The following ARL13B variants were observed in gnomAD, a reference collection of about 807,000 sequenced individuals.
ARL13B encodes ADP-ribosylation factor-like protein 13B.
Under a neutral mutation model 56.1 loss-of-function variants are expected in ARL13B, and 36 were observed. That is an observed-to-expected ratio of 0.64 (90% confidence interval 0.49 to 0.85). The LOEUF (loss-of-function observed/expected upper bound fraction) is 0.85, where lower values mean the gene tolerates loss of function less well. Among genes scored for constraint, ARL13B ranks in the 40% least tolerant of loss-of-function variants. The pLI, the probability that ARL13B is intolerant of heterozygous loss-of-function variation, is 0.00. For missense variants in ARL13B, 519 were observed against 507.1 expected (o/e 1.02, Z -0.23); for synonymous variants, 178 against 171.1 (o/e 1.04, Z -0.32).
intron 1 of ARL13B, among the ~76,000 whole-genome samples, chr3:93,992,439 A>G (rs1334666077): frequency 6.6e-6 from 1 of 152,104 alleles, no homozygotes; most frequent in African/African-American, 2.4e-5. Flanking sequence ...ATGACTGCCC[A>G]CTGCTTCCCC....
At chr3:94,050,046 C>T (rs2077045017) in intron 8 of ARL13B, among the ~76,000 whole-genome samples, 1 of 151,004 alleles carries the variant, frequency 6.6e-6, no homozygotes, top group Non-Finnish European at 1.5e-5. Context: ...TGCCTGTAAT[C>T]CCAGCTACTC....
intron 6 of ARL13B, among the ~76,000 whole-genome samples, chr3:94,041,586 A>G (rs1054448251): frequency 2.0e-5 from 3 of 152,180 alleles, no homozygotes; most frequent in Non-Finnish European, 4.4e-5. Flanking sequence ...GCTATTCTAC[A>G]AAGTTAAAAA....
intron 1 of ARL13B, among the ~76,000 whole-genome samples, chr3:93,982,987 T>C (rs1710291211): frequency 6.6e-6 from 1 of 152,218 alleles, no homozygotes; most frequent in Non-Finnish European, 1.5e-5. Context: ...TTATTATGTA[T>C]ATATTTGTTT....
Position 94,036,760 on chromosome 3 carries a change from T to A in ARL13B, c.689+6T>A, listed in dbSNP as rs767497487. 3 of 1,604,486 alleles carry A rather than the reference T, an allele frequency of 1.9e-6. No individual in the cohort carries two copies. Among genetic ancestry groups the A allele is most frequent in the South Asian group, 1.1e-5 (1 of 89,544 alleles). On this transcript the variant is annotated splice_donor_region_variant and intron_variant, in intron 5 of 9. Coordinates refer to ENST00000394222, the MANE Select transcript of ARL13B (RefSeq NM_001174150.2). ...CGAAAATTACGAGAAGAAAGGTAAG[T>A]AGATTAATTTTGTACCACAGTGCAT...
intron 3 of ARL13B, among the ~76,000 whole-genome samples, chr3:94,012,234 T>C (rs562826467): frequency 7.5e-4 from 114 of 152,292 alleles, no homozygotes; most frequent in African/African-American, 2.7e-3. Context: ...TCTGTACTTC[T>C]GGTCCTGACA....
chr3:94,004,645 A>G (rs900130765), intron 3 of ARL13B, among the ~76,000 whole-genome samples: 2 of 151,718 alleles, frequency 1.3e-5, no homozygotes, highest in African/African-American at 4.8e-5. Context: ...AAAAAAAAAA[A>G]TCAACCTGTC....
chr3:94,005,853 T>A (rs2076125284), intron 3 of ARL13B, among the ~76,000 whole-genome samples: 1 of 152,040 alleles, frequency 6.6e-6, no homozygotes, highest in Non-Finnish European at 1.5e-5. Context: ...TTTTGTATAT[T>A]TTTTTTGATA....
At chr3:93,988,515 T>C (rs1559966465) in intron 1 of ARL13B, 1 of 251,836 alleles carries the variant, frequency 4.0e-6, no homozygotes, top group African/African-American at 2.3e-5. Flanking sequence ...GAGTTCCTGC[T>C]ACTTAAAATG....
At chr3:94,053,041 A>G (rs1424359586) in intron 9 of ARL13B, 146 bp from the exon 10 acceptor site, 5 of 711,928 alleles carry the variant, frequency 7.0e-6, no homozygotes, top group Non-Finnish European at 1.2e-5. Flanking sequence ...AGAGAAGGAA[A>G]TCTTTTAGAG....
chr3:94,051,524 G>A (rs2077067347), intron 9 of ARL13B, among the ~76,000 whole-genome samples: 2 of 152,110 alleles, frequency 1.3e-5, no homozygotes, highest in South Asian at 2.1e-4. Flanking sequence ...CTAGAGGAAG[G>A]ATATTTAGGA....
chr3:94,032,925 A>G (rs910846639), intron 3 of ARL13B, among the ~76,000 whole-genome samples: 1 of 152,260 alleles, frequency 6.6e-6, no homozygotes, highest in African/African-American at 2.4e-5. Flanking sequence ...GATGTTTATC[A>G]CAGCATTATT....
chr3:94,051,459 T>C (rs1403751531), intron 9 of ARL13B, among the ~76,000 whole-genome samples: 6 of 152,132 alleles, frequency 3.9e-5, no homozygotes, highest in African/African-American at 1.4e-4. Flanking sequence ...TCTTTGAATA[T>C]AACATACGCT....
intron 3 of ARL13B, among the ~76,000 whole-genome samples, chr3:94,004,243 A>G (rs1425067130): frequency 1.3e-5 from 2 of 152,070 alleles, no homozygotes; most frequent in Non-Finnish European, 2.9e-5. Flanking sequence ...TTTCTCTTTT[A>G]GTAACTTGTA....
chr3:93,994,439 TTC>T (rs958615072), intron 1 of ARL13B, among the ~76,000 whole-genome samples: 111 of 151,756 alleles, frequency 7.3e-4, no homozygotes, highest in African/African-American at 2.6e-3. Flanking sequence ...CTCTGTTTTT[TTC>T]CCCGTAGTAC....
At chr3:94,005,787 A>T (rs551783813) in intron 3 of ARL13B, among the ~76,000 whole-genome samples, 1 of 152,320 alleles carries the variant, frequency 6.6e-6, no homozygotes, top group East Asian at 1.9e-4. Context: ...AAAAATATAC[A>T]AAATGTACAC....
At chr3:93,989,001 C>A in intron 1 of ARL13B, 1 of 274,224 alleles carries the variant, frequency 3.6e-6, no homozygotes. Flanking sequence ...AGCTGAGAGC[C>A]TTCGCGAAGC....
intron 7 of ARL13B, among the ~76,000 whole-genome samples, chr3:94,047,615 A>C (rs1395139979): frequency 6.6e-6 from 1 of 152,184 alleles, no homozygotes; most frequent in Non-Finnish European, 1.5e-5. Context: ...CATTATATAA[A>C]TGAAGAAACC....
chr3:94,019,206 T>C (rs2076397094), intron 3 of ARL13B, among the ~76,000 whole-genome samples: 1 of 152,140 alleles, frequency 6.6e-6, no homozygotes, highest in African/African-American at 2.4e-5. Context: ...TTGTTAATTT[T>C]TTATTTTTGA....
chr3:94,000,649 A>C (rs1468684904), intron 2 of ARL13B, among the ~76,000 whole-genome samples: 1 of 151,950 alleles, frequency 6.6e-6, no homozygotes, highest in Non-Finnish European at 1.5e-5. Flanking sequence ...ATATGTATAT[A>C]TATATATTTC....
Sources: allele counts gnomAD v4.1 joint callset (sites outside exome capture counted in the v4.1 genomes callset), GRCh38; gene constraint gnomAD v4.1.1; transcripts MANE v1.5; gene names NCBI Gene and HGNC (gene_info 2026-07-23, HGNC 2026-07-21).